The following VSTM4 variants were observed in gnomAD, a reference collection of about 807,000 sequenced individuals.
The protein encoded by VSTM4 is V-set and transmembrane domain containing 4, also known as V-set and transmembrane domain-containing protein 4.
Under a neutral mutation model 36.4 loss-of-function variants are expected in VSTM4, and 20 were observed. That is an observed-to-expected ratio of 0.55 (90% CI 0.39 to 0.80). VSTM4 has a LOEUF of 0.80. VSTM4 is among the 30% of genes least tolerant of loss of function. VSTM4 has a pLI of 0.00. For synonymous variants in VSTM4, 182 were observed against 173.9 expected (o/e 1.05, Z -0.37); for missense variants, 392 against 404.5 (o/e 0.97, Z 0.26).
At chr10:49,109,051 C>A (rs958929438) in intron 1 of VSTM4, among the ~76,000 whole-genome samples, 2 of 152,194 alleles carry the variant, frequency 1.3e-5, no homozygotes, top group African/African-American at 4.8e-5. Context: ...CAAGTCAGGG[C>A]TGTCTTCTCA....
At chr10:49,054,470 C>T (rs1412132884) in intron 5 of VSTM4, among the ~76,000 whole-genome samples, 2 of 152,150 alleles carry the variant, frequency 1.3e-5, no homozygotes, top group East Asian at 3.9e-4. Context: ...GACCCAGGGC[C>T]ATCCTGAGAA....
chr10:49,059,690 G>A (rs528460757), intron 5 of VSTM4, among the ~76,000 whole-genome samples: 1 of 152,174 alleles, frequency 6.6e-6, no homozygotes, highest in African/African-American at 2.4e-5. Context: ...GGGCCTTATT[G>A]GGACATATGC....
At chr10:49,049,060 C>G (rs563177164) in intron 5 of VSTM4, among the ~76,000 whole-genome samples, 2 of 152,338 alleles carry the variant, frequency 1.3e-5, no homozygotes, top group South Asian at 2.1e-4. Context: ...AGGCAAACAT[C>G]TCCCCATCAC....
At chr10:49,073,265 G>A (rs1844115111) in intron 4 of VSTM4, among the ~76,000 whole-genome samples, 1 of 152,138 alleles carries the variant, frequency 6.6e-6, no homozygotes. Flanking sequence ...CTAGGGGAGG[G>A]AACACCCTCA....
intron 2 of VSTM4, 39 bp from the exon 3 acceptor site, chr10:49,086,062 A>G: frequency 7.3e-7 from 1 of 1,365,460 alleles, no homozygotes; most frequent in Non-Finnish European, 1.0e-6. Flanking sequence ...ATGAAAAAAT[A>G]ATGCCACATG....
chr10:49,069,805 C>A (rs913646222), intron 4 of VSTM4, among the ~76,000 whole-genome samples: 10 of 152,170 alleles, frequency 6.6e-5, no homozygotes, highest in African/African-American at 2.4e-4. Flanking sequence ...ATGCAAAGGA[C>A]CAGCATGCAC....
chr10:49,104,727 G>A (rs1289621435), intron 2 of VSTM4, among the ~76,000 whole-genome samples: 1 of 152,150 alleles, frequency 6.6e-6, no homozygotes, highest in Non-Finnish European at 1.5e-5. Flanking sequence ...TGGGTGAGAG[G>A]TCAGAGGGGA....
At chr10:49,071,825 AG>A (rs908849465) in intron 4 of VSTM4, among the ~76,000 whole-genome samples, 2 of 152,200 alleles carry the variant, frequency 1.3e-5, no homozygotes, top group African/African-American at 4.8e-5. Flanking sequence ...CCACACATGC[AG>A]GAGGGGTTGG....
intron 7 of VSTM4, among the ~76,000 whole-genome samples, chr10:49,044,570 A>G: frequency 7.1e-6 from 1 of 141,454 alleles, no homozygotes; most frequent in Non-Finnish European, 1.6e-5. Flanking sequence ...GGAAGGAAAA[A>G]TTAAAGAAAA....
chr10:49,042,642 T>G (rs773623827), intron 7 of VSTM4, among the ~76,000 whole-genome samples: 1 of 152,236 alleles, frequency 6.6e-6, no homozygotes, highest in African/African-American at 2.4e-5. Context: ...CAGAGGCTCA[T>G]GTACCCAATT....
At chr10:49,052,893 T>C (rs1843720521) in intron 5 of VSTM4, among the ~76,000 whole-genome samples, 1 of 152,236 alleles carries the variant, frequency 6.6e-6, no homozygotes, top group South Asian at 2.1e-4. Context: ...AATTTAATTT[T>C]AATTCATATT....
chr10:49,078,984 G>A (rs571832386), intron 3 of VSTM4, among the ~76,000 whole-genome samples: 247 of 150,520 alleles, frequency 1.6e-3, no homozygotes, highest in Admixed American at 5.3e-3. Context: ...GGTCCACGCC[G>A]CCACACCCAG....
At chr10:49,052,386 A>C (rs537339681) in intron 5 of VSTM4, among the ~76,000 whole-genome samples, 2 of 149,918 alleles carry the variant, frequency 1.3e-5, no homozygotes, top group Admixed American at 6.6e-5. Flanking sequence ...TTGTCTAAGG[A>C]GTTTTCTCAT....
At chr10:49,057,087 T>C (rs1314654482) in intron 5 of VSTM4, among the ~76,000 whole-genome samples, 1 of 151,910 alleles carries the variant, frequency 6.6e-6, no homozygotes, top group Non-Finnish European at 1.5e-5. Context: ...AGAGAACTCA[T>C]TCATTACAAG....
intron 2 of VSTM4, among the ~76,000 whole-genome samples, chr10:49,105,737 T>C (rs1844769295): frequency 2.0e-5 from 3 of 152,138 alleles, no homozygotes; most frequent in Admixed American, 1.3e-4. Flanking sequence ...TTTGGCAGAA[T>C]GTCATCACTG....
intron 1 of VSTM4, 126 bp from the exon 2 acceptor site, chr10:49,108,121 A>T: frequency 7.5e-7 from 1 of 1,334,382 alleles, no homozygotes; most frequent in Non-Finnish European, 9.9e-7. Flanking sequence ...CTGGCCAGAG[A>T]AGCAGGCGGC....
chr10:49,103,585 G>A, intron 2 of VSTM4: 1 of 1,422,562 alleles, frequency 7.0e-7, no homozygotes, highest in Non-Finnish European at 9.2e-7. Flanking sequence ...CACTCCTATG[G>A]CTCTTCTCAG....
At chr10:49,115,265 G>A in intron 1 of VSTM4, among the ~76,000 whole-genome samples, 166 bp downstream of exon 1, 1 of 151,804 alleles carries the variant, frequency 6.6e-6, no homozygotes, top group Non-Finnish European at 1.5e-5. Flanking sequence ...GCGCCCGCCA[G>A]ACCCTCGGCG....
intron 1 of VSTM4, among the ~76,000 whole-genome samples, chr10:49,112,014 ATGT>A (rs1844903281): frequency 6.6e-6 from 1 of 152,140 alleles, no homozygotes; most frequent in Non-Finnish European, 1.5e-5. Context: ...ACCTCTGCAA[ATGT>A]TGTGAGGCAA....
Sources: gnomAD v4.1 joint callset for allele counts (sites outside exome capture counted in the v4.1 genomes callset) on GRCh38, gnomAD v4.1.1 for gene constraint, MANE v1.5 for transcripts, NCBI Gene and HGNC (gene_info 2026-07-23, HGNC 2026-07-21) for gene names.